Variants in SOS1 observed in about 807,000 individuals in gnomAD.
SOS1 encodes the protein son of sevenless homolog 1.
A neutral mutation model predicts 157.6 loss-of-function variants in SOS1; 25 were observed. The ratio of observed to expected loss-of-function variants is 0.16; its 90% CI spans 0.12 to 0.22. SOS1 has a LOEUF of 0.22. Ranked by LOEUF, SOS1 falls within the 10% of genes least tolerant of loss-of-function variation. The probability of loss-of-function intolerance (pLI) is 1.00; values close to 1 mark genes in which losing one functional copy is unlikely to be tolerated. For missense variants in SOS1, 1,237 were observed against 1,599.1 expected (o/e 0.77, Z 3.86); for synonymous variants, 528 against 534.0 (o/e 0.99, Z 0.16).
intron 17 of SOS1, among the ~76,000 whole-genome samples, chr2:39,000,356 A>G (rs1669050001): frequency 6.6e-6 from 1 of 152,230 alleles, no homozygotes; most frequent in Admixed American, 6.5e-5. Context: ...ATAGTTTAAT[A>G]AAAACATAGC....
intron 1 of SOS1, among the ~76,000 whole-genome samples, chr2:39,103,318 C>T (rs183796093): frequency 1.1e-4 from 17 of 152,080 alleles, no homozygotes; most frequent in Non-Finnish European, 1.5e-4. Context: ...CCCTCAAATT[C>T]ACAGAGCTGC....
chr2:39,020,180 A>G (rs988615769), intron 10 of SOS1, among the ~76,000 whole-genome samples: 6 of 151,684 alleles, frequency 4.0e-5, no homozygotes, highest in Admixed American at 2.6e-4. Context: ...ATTTGTCTAC[A>G]AAGTGAAGGC....
intron 14 of SOS1, among the ~76,000 whole-genome samples, chr2:39,011,403 A>G (rs552947895): frequency 2.0e-5 from 3 of 152,256 alleles, no homozygotes; most frequent in African/African-American, 7.2e-5. Context: ...GGGTACAGTA[A>G]TCAATGCATT....
intron 1 of SOS1, among the ~76,000 whole-genome samples, chr2:39,118,268 G>C (rs1673729081): frequency 6.6e-6 from 1 of 152,186 alleles, no homozygotes; most frequent in Non-Finnish European, 1.5e-5. Flanking sequence ...AAGAGTAAGA[G>C]AACACAAGTC....
intron 6 of SOS1, among the ~76,000 whole-genome samples, chr2:39,044,370 T>C (rs547671912): frequency 3.3e-4 from 51 of 152,380 alleles, no homozygotes; most frequent in African/African-American, 1.2e-3. Flanking sequence ...TATATCAATT[T>C]CTAATTCATT....
intron 8 of SOS1, among the ~76,000 whole-genome samples, chr2:39,024,413 A>G (rs1558475429): frequency 6.6e-6 from 1 of 152,062 alleles, no homozygotes; most frequent in Non-Finnish European, 1.5e-5. Context: ...TACCACTGAA[A>G]AGAAATGGGG....
intron 9 of SOS1, 74 bp from the exon 10 acceptor site, chr2:39,023,299 G>T: frequency 9.0e-7 from 1 of 1,116,226 alleles, no homozygotes; most frequent in Non-Finnish European, 1.3e-6. Flanking sequence ...AAGGGAAAGT[G>T]TAAAAGTAGA....
intron 1 of SOS1, among the ~76,000 whole-genome samples, chr2:39,087,015 T>G (rs1312344234): frequency 6.6e-6 from 1 of 152,012 alleles, no homozygotes; most frequent in Non-Finnish European, 1.5e-5. Context: ...GTTTTGCCAT[T>G]TTGGCCAGGC....
intron 1 of SOS1, among the ~76,000 whole-genome samples, chr2:39,118,716 A>G (rs1673751632): frequency 6.6e-6 from 1 of 152,238 alleles, no homozygotes; most frequent in African/African-American, 2.4e-5. Flanking sequence ...TTCTTCAAGA[A>G]AAGCCGAAAA....
At chr2:39,003,484 T>C (rs564554455) in intron 17 of SOS1, among the ~76,000 whole-genome samples, 1 of 152,226 alleles carries the variant, frequency 6.6e-6, no homozygotes, top group South Asian at 2.1e-4. Flanking sequence ...AGGCGTAACA[T>C]AGAAATAAGG....
chr2:39,081,085 C>T (rs1353241737), intron 1 of SOS1, among the ~76,000 whole-genome samples: 1 of 151,764 alleles, frequency 6.6e-6, no homozygotes, highest in African/African-American at 2.4e-5. Context: ...GGAAGCTGAC[C>T]CCAGGAGTTC....
At chr2:39,091,735 G>A (rs1672606088) in intron 1 of SOS1, among the ~76,000 whole-genome samples, 1 of 152,104 alleles carries the variant, frequency 6.6e-6, no homozygotes, top group Admixed American at 6.5e-5. Flanking sequence ...GGGCTGTCAT[G>A]GTCACCAGGG....
At chr2:39,121,773 T>C (rs1425872306), upstream of SOS1, among the ~76,000 whole-genome samples, 1 of 152,214 alleles carries the variant, frequency 6.6e-6, no homozygotes, top group African/African-American at 2.4e-5. Context: ...CTCTACACAG[T>C]GTAGAACAGG....
chr2:39,090,315 T>C (rs992744949), intron 1 of SOS1, among the ~76,000 whole-genome samples: 1 of 152,164 alleles, frequency 6.6e-6, no homozygotes. Context: ...TCCTCTATGA[T>C]CATTTCTCTT....
chr2:39,047,395 G>A (rs1670828152), intron 6 of SOS1, among the ~76,000 whole-genome samples: 1 of 152,080 alleles, frequency 6.6e-6, no homozygotes, highest in African/African-American at 2.4e-5. Context: ...AAAATGCTGG[G>A]TCACAGGGTA....
At chr2:39,072,599 T>C (rs1171099161) in intron 1 of SOS1, among the ~76,000 whole-genome samples, 2 of 152,224 alleles carry the variant, frequency 1.3e-5, no homozygotes, top group Non-Finnish European at 2.9e-5. Flanking sequence ...TTCTAGCACA[T>C]ATAATTCAAA....
intron 6 of SOS1, among the ~76,000 whole-genome samples, chr2:39,050,201 T>C (rs1670957200): frequency 6.6e-6 from 1 of 152,196 alleles, no homozygotes; most frequent in Non-Finnish European, 1.5e-5. Context: ...AATGAGTGGA[T>C]TTTAGAGTGA....
chr2:39,002,182 C>T (rs1190734538), intron 17 of SOS1, among the ~76,000 whole-genome samples: 1 of 151,890 alleles, frequency 6.6e-6, no homozygotes. Flanking sequence ...AAAAATTAGC[C>T]GGGTGTGGTG....
chr2:39,095,515 C>CA (rs1213719098), intron 1 of SOS1, among the ~76,000 whole-genome samples: 2 of 152,140 alleles, frequency 1.3e-5, no homozygotes, highest in East Asian at 3.9e-4. Context: ...TCATAAGTAC[C>CA]AGAGTTCTGC....
Sources: allele counts gnomAD v4.1 joint callset (sites outside exome capture counted in the v4.1 genomes callset), GRCh38; gene constraint gnomAD v4.1.1; transcripts MANE v1.5; gene names NCBI Gene and HGNC (gene_info 2026-07-23, HGNC 2026-07-21).